Variants in TTLL5 observed in about 807,000 individuals in gnomAD.
TTLL5 encodes tubulin polyglutamylase TTLL5.
Under a neutral mutation model 168.4 loss-of-function variants are expected in TTLL5, and 132 were observed. The observed-to-expected ratio is 0.78, with a 90% confidence interval of 0.68 to 0.91. The LOEUF is 0.91. Among genes scored for constraint, TTLL5 ranks in the 40% least tolerant of loss-of-function variants. The probability of loss-of-function intolerance (pLI) is 0.00; values close to 1 mark genes in which losing one functional copy is unlikely to be tolerated. For synonymous variants in TTLL5, 546 were observed against 558.6 expected, an observed-to-expected ratio of 0.98 and a Z score of 0.32; for missense variants, 1,545 against 1,581.5, an observed-to-expected ratio of 0.98 and a Z score of 0.39.
rs548951356 is a variant in TTLL5 at position 75,864,321 on chromosome 14, GTTC to G, written c.3522+464_3522+466del. The stretch of plus-strand genomic sequence containing the variant: ...TTTTCAAGGAATAAATAAGTTGCAA[GTTC>G]TTCTGGTGGGAAATGGACATATGTT... On this transcript the variant is annotated intron_variant, in intron 29 of 31. Transcript: ENST00000298832. Among the ~76,000 whole-genome samples, 331 of 152,320 alleles carry G rather than the reference GTTC, an allele frequency of 2.2e-3. 1 individual carries two copies. Among genetic ancestry groups the G allele is most frequent in the African/African-American group, 7.7e-3 (321 of 41,560 alleles).
At chr14:75,876,277 G>A (rs2031474037) in intron 29 of TTLL5, among the ~76,000 whole-genome samples, 2 of 152,204 alleles carry the variant, frequency 1.3e-5, no homozygotes, top group South Asian at 4.1e-4. Context: ...TTGAGTATAT[G>A]TGAATATCTA....
intron 29 of TTLL5, among the ~76,000 whole-genome samples, chr14:75,872,685 G>A (rs150007292): frequency 6.6e-6 from 1 of 152,224 alleles, no homozygotes; most frequent in East Asian, 1.9e-4. Context: ...TGAGATGGAT[G>A]AATCACCTGA....
intron 28 of TTLL5, among the ~76,000 whole-genome samples, chr14:75,830,097 C>T (rs1224166538): frequency 1.3e-5 from 2 of 152,200 alleles, no homozygotes; most frequent in Non-Finnish European, 2.9e-5. Context: ...GCTTCTACCT[C>T]TCAAGTCTGA....
chr14:75,817,830 CTTTTTTT>C (rs1045988787), intron 27 of TTLL5, among the ~76,000 whole-genome samples: 12 of 83,870 alleles, frequency 1.4e-4, no homozygotes, highest in African/African-American at 3.6e-4. Flanking sequence ...CTTTTCTTTT[CTTTTTTT>C]TTTTTTTTTT....
chr14:75,844,885 A>G (rs550117818), intron 28 of TTLL5, among the ~76,000 whole-genome samples: 21 of 152,278 alleles, frequency 1.4e-4, no homozygotes, highest in South Asian at 8.3e-4. Flanking sequence ...GACCAGTAAC[A>G]TTTCTATTTC....
chr14:75,746,844 G>A (rs188136770), intron 17 of TTLL5, among the ~76,000 whole-genome samples: 2 of 152,086 alleles, frequency 1.3e-5, no homozygotes, highest in African/African-American at 4.8e-5. Flanking sequence ...GATTATAGGC[G>A]TGAGACACCG....
intron 12 of TTLL5, among the ~76,000 whole-genome samples, chr14:75,725,189 G>A (rs752108474): frequency 4.5e-4 from 68 of 152,340 alleles, no homozygotes; most frequent in Non-Finnish European, 8.2e-4. Context: ...CCATTTCACA[G>A]GGTAACCTGA....
chr14:75,856,619 G>C (rs1300237504), intron 28 of TTLL5, among the ~76,000 whole-genome samples: 2 of 134,290 alleles, frequency 1.5e-5, no homozygotes, highest in African/African-American at 5.4e-5. Flanking sequence ...ATTATAAGTT[G>C]TATTGCTTTT....
At chr14:75,907,086 G>C (rs1438293395) in intron 31 of TTLL5, among the ~76,000 whole-genome samples, 1 of 152,184 alleles carries the variant, frequency 6.6e-6, no homozygotes, top group Non-Finnish European at 1.5e-5. Context: ...TATTATTAAG[G>C]CTTTTAGACT....
intron 28 of TTLL5, among the ~76,000 whole-genome samples, chr14:75,843,404 G>A (rs747299319): frequency 1.1e-4 from 17 of 152,178 alleles, no homozygotes; most frequent in Admixed American, 2.6e-4. Flanking sequence ...ATCCAAGGAG[G>A]GAGAAGGAAA....
chr14:75,721,533 A>G (rs8018100), intron 12 of TTLL5, among the ~76,000 whole-genome samples: 118,991 of 152,126 alleles, frequency 0.78, 46,799 homozygotes, highest in Admixed American at 0.81. Flanking sequence ...TAGAAGGCAG[A>G]GTAACAGGGA....
intron 27 of TTLL5, among the ~76,000 whole-genome samples, chr14:75,805,116 ATC>A (rs1227613721): frequency 6.6e-6 from 1 of 151,890 alleles, no homozygotes; most frequent in Non-Finnish European, 1.5e-5. Flanking sequence ...ACATTTGTCC[ATC>A]TCTCTCTCAA....
In TTLL5 at chr14:75,819,543, G is replaced by A. The variant is rs186426985; in HGVS notation, c.3172-464G>A. ...TTGTACATTATTTATTGAAGTCCAT[G>A]ACTATTTTTCTCCTAACCGTCTTTT... On this transcript the variant is annotated intron_variant, in intron 27 of 31. Transcript: ENST00000298832. Among the ~76,000 whole-genome samples, 232 of 152,258 alleles carry A rather than the reference G, an allele frequency of 1.5e-3. 1 individual carries two copies. Among genetic ancestry groups the A allele is most frequent in the African/African-American group, 5.3e-3 (222 of 41,558 alleles).
chr14:75,779,876 CAGA>C (rs1476468954), intron 24 of TTLL5, among the ~76,000 whole-genome samples, 174 bp downstream of exon 24: 1 of 152,004 alleles, frequency 6.6e-6, no homozygotes, highest in Non-Finnish European at 1.5e-5. Context: ...GTCCTAAAAG[CAGA>C]AGAAGGGCAT....
At position 75,947,939 on chromosome 14, in the gene TTLL5, CA is replaced by C. The variant is rs11410342; in HGVS notation, c.3824-6470del. Among the ~76,000 whole-genome samples, 378 of 143,164 alleles carry C rather than the reference CA, an allele frequency of 2.6e-3. 1 individual carries two copies. Among genetic ancestry groups the C allele is most frequent in the African/African-American group, 8.5e-3 (326 of 38,548 alleles). 93.9% of individuals were successfully genotyped at this position (143,164 alleles called of 152,430 possible). Reference sequence around the variant, plus strand: ...TGGGCAACAGAGCAAGACCCTGTCTCAAAAAAAAAAAAAAATCGAAATTTTA... The same window carrying C: ...TGGGCAACAGAGCAAGACCCTGTCTCAAAAAAAAAAAAAATCGAAATTTTA... On this transcript the variant is annotated intron_variant, in intron 31 of 31. Transcript: ENST00000298832.
At chr14:75,737,498 TAGGA>T in intron 15 of TTLL5, 1 of 1,461,620 alleles carries the variant, frequency 6.8e-7, no homozygotes, top group South Asian at 1.3e-5. Context: ...ATCATAGATC[TAGGA>T]GATGGAAAAT....
chr14:75,682,088 C>T (rs887564732), intron 4 of TTLL5, among the ~76,000 whole-genome samples: 2 of 151,442 alleles, frequency 1.3e-5, no homozygotes, highest in South Asian at 2.1e-4. Context: ...TACTCAGGAG[C>T]CCGAGGCAGG....
intron 31 of TTLL5, among the ~76,000 whole-genome samples, chr14:75,930,401 A>T (rs574297701): frequency 2.0e-5 from 3 of 152,346 alleles, no homozygotes; most frequent in African/African-American, 7.2e-5. Flanking sequence ...TGCTAACGTG[A>T]CACTCAAAGG....
chr14:75,748,970 T>C (rs1241985927), intron 17 of TTLL5, among the ~76,000 whole-genome samples: 1 of 152,106 alleles, frequency 6.6e-6, no homozygotes, highest in Non-Finnish European at 1.5e-5. Context: ...CTTAGAGAAA[T>C]AAAAGAAAAA....
Sources: allele counts gnomAD v4.1 joint callset (sites outside exome capture counted in the v4.1 genomes callset), GRCh38; gene constraint gnomAD v4.1.1; transcripts MANE v1.5; gene names NCBI Gene and HGNC (gene_info 2026-07-23, HGNC 2026-07-21).